The following MAP4 variants were observed in gnomAD, a reference collection of about 807,000 sequenced individuals.
The protein encoded by MAP4 is microtubule-associated protein 4.
MAP4 carries 76 observed loss-of-function variants against 170.2 expected under a neutral mutation model. The ratio of observed to expected loss-of-function variants is 0.45; its 90% CI spans 0.37 to 0.54. The LOEUF (loss-of-function observed/expected upper bound fraction) is 0.54. Ranked by LOEUF, MAP4 falls within the 20% of genes least tolerant of loss-of-function variation. The pLI is 0.00. For synonymous variants in MAP4, 909 were observed against 994.5 expected (o/e 0.91, Z 1.62); for missense variants, 2,506 against 2,748.0 (o/e 0.91, Z 1.97).
chr3:47,859,009 A>G (rs1369234330), intron 17 of MAP4, among the ~76,000 whole-genome samples: 4 of 152,158 alleles, frequency 2.6e-5, no homozygotes, highest in Admixed American at 6.5e-5. Flanking sequence ...AGGTGCCTGT[A>G]GTCCCAGTAC....
chr3:47,897,415 T>G (rs373992869), intron 10 of MAP4, among the ~76,000 whole-genome samples: 97 of 152,234 alleles, frequency 6.4e-4, no homozygotes, highest in African/African-American at 2.2e-3. Flanking sequence ...CTGTGGGCAT[T>G]GCGCTCGGCC....
In MAP4 at chr3:47,918,739, T is replaced by C. The variant is rs2100041108; in HGVS notation, c.632A>G (p.Glu211Gly). ...TTTACCTGCCGTTGGCTGAGGAGGTTCTGCAACAGCCTCTGGGGAAACAAA... is the reference window on the plus strand; with the variant it reads ...TTTACCTGCCGTTGGCTGAGGAGGTCCTGCAACAGCCTCTGGGGAAACAAA... ...ESFVSPEAVA[E>G]PPQPTAVPLE... Residue 211 changes from glutamate (E) to glycine (G), a missense_variant, in exon 6 of 21, where the codon GAA (glutamate) becomes GGA (glycine). Coordinates refer to ENST00000683076, the MANE Select transcript of MAP4 (RefSeq NM_001385682.1). 9.3e-6 allele frequency: 15 copies of C among 1,611,040 alleles called. No individual in the cohort carries two copies. The highest frequency in any genetic ancestry group is 1.3e-5 in the Non-Finnish European group (15 of 1,177,356).
chr3:47,927,074 G>A (rs947468489), intron 4 of MAP4, among the ~76,000 whole-genome samples: 5 of 150,418 alleles, frequency 3.3e-5, no homozygotes, highest in Non-Finnish European at 5.9e-5. Context: ...CAGGAGAATC[G>A]CTTGAACTCA....
intron 1 of MAP4, among the ~76,000 whole-genome samples, chr3:48,079,882 G>A (rs149966311): frequency 0.012 from 1,875 of 151,044 alleles, 43 homozygotes; most frequent in African/African-American, 0.043. Flanking sequence ...CCCGGGAGGC[G>A]GAGCTTGCAG....
chr3:47,923,428 A>T (rs1324237409), intron 4 of MAP4, among the ~76,000 whole-genome samples: 1 of 151,190 alleles, frequency 6.6e-6, no homozygotes, highest in African/African-American at 2.4e-5. Context: ...TCTTCAGAAA[A>T]CCATGGGAGC....
At chr3:47,987,400 G>GA in intron 2 of MAP4, 2 of 1,533,378 alleles carry the variant, frequency 1.3e-6, no homozygotes, top group Non-Finnish European at 1.7e-6. Context: ...AAGATGAAAA[G>GA]AAAGGCTGGC....
Position 47,912,061 on chromosome 3 carries a change from C to T in MAP4, c.2360G>A (p.Gly787Glu). Residue 787 changes from glycine to glutamate, a missense_variant, in exon 9 of 21, where the codon GGA (glycine) becomes GAA (glutamate). Gly to Glu is a moderately conservative substitution (Grantham distance 98). Around this residue, in one of 3 missense-constraint regions of MAP4, gnomAD observed 2,008 missense variants for 2,206.0 expected, o/e 0.91. Transcript: ENST00000683076. Reference sequence around the variant, plus strand: ...ATCTGCATTGTCATCATCCGAAGGTCCTCCAGCCCGTGGTTGAGAATATCT... The same window carrying T: ...ATCTGCATTGTCATCATCCGAAGGTTCTCCAGCCCGTGGTTGAGAATATCT... Reference protein sequence around the residue: ...QKRYSQPRAGGPSDDDNADKP... With the variant: ...QKRYSQPRAGEPSDDDNADKP... 6.5e-7 allele frequency: 1 copy of T among 1,536,168 alleles called. No homozygotes were observed. The highest frequency in any genetic ancestry group is 1.7e-4 in the Middle Eastern group (1 of 5,990).
chr3:47,988,260 T>C (rs1431503987), intron 2 of MAP4, among the ~76,000 whole-genome samples: 2 of 26,368 alleles, frequency 7.6e-5, no homozygotes, highest in Non-Finnish European at 3.0e-4. Flanking sequence ...AGACAGGATT[T>C]TTTTTTTAAT....
At chr3:47,962,189 C>G (rs1287431430) in intron 3 of MAP4, among the ~76,000 whole-genome samples, 5 of 152,248 alleles carry the variant, frequency 3.3e-5, no homozygotes. Flanking sequence ...TAGCAGCTCA[C>G]AGACACCGAT....
chr3:47,947,534 C>T (rs530438887), intron 3 of MAP4, among the ~76,000 whole-genome samples: 2 of 152,206 alleles, frequency 1.3e-5, no homozygotes, highest in Non-Finnish European at 2.9e-5. Context: ...AATCTCAAGC[C>T]GGGTGTGGTG....
chr3:48,063,602 C>A (rs1007493116), intron 1 of MAP4, among the ~76,000 whole-genome samples: 1 of 151,910 alleles, frequency 6.6e-6, no homozygotes, highest in Non-Finnish European at 1.5e-5. Context: ...ACTAGGATGC[C>A]TTTAATAGGT....
intron 1 of MAP4, among the ~76,000 whole-genome samples, chr3:48,001,986 G>A (rs2100099412): frequency 1.3e-5 from 2 of 151,986 alleles, no homozygotes; most frequent in Non-Finnish European, 2.9e-5. Context: ...ATGCGACTCT[G>A]TCATCATACT....
chr3:48,022,002 A>C (rs190848640), intron 1 of MAP4, among the ~76,000 whole-genome samples: 3 of 152,242 alleles, frequency 2.0e-5, no homozygotes, highest in Admixed American at 2.0e-4. Context: ...AACAAAACAA[A>C]ACAAGAGGCC....
chr3:48,041,085 T>C, intron 1 of MAP4, among the ~76,000 whole-genome samples: 1 of 152,282 alleles, frequency 6.6e-6, no homozygotes, highest in South Asian at 2.1e-4. Flanking sequence ...TAAAATAGCA[T>C]AAAAAAATAC....
chr3:48,044,513 C>G (rs1391366359), intron 1 of MAP4, among the ~76,000 whole-genome samples: 1 of 151,786 alleles, frequency 6.6e-6, no homozygotes, highest in African/African-American at 2.4e-5. Context: ...GCCTGTAATC[C>G]CAGCACTGGG....
At chr3:47,925,335 A>G (rs1254713507) in intron 4 of MAP4, among the ~76,000 whole-genome samples, 1 of 152,052 alleles carries the variant, frequency 6.6e-6, no homozygotes, top group Non-Finnish European at 1.5e-5. Context: ...TTCCTACTCA[A>G]AATTGGTCAT....
intron 11 of MAP4, 118 bp downstream of exon 11, chr3:47,877,296 TGAG>T: frequency 2.7e-6 from 2 of 731,272 alleles, no homozygotes; most frequent in Non-Finnish European, 4.7e-6. Flanking sequence ...TGTCCAAACA[TGAG>T]GAAGGACAAT....
chr3:47,995,033 G>T (rs376868301), intron 2 of MAP4, among the ~76,000 whole-genome samples: 17 of 152,164 alleles, frequency 1.1e-4, no homozygotes, highest in African/African-American at 4.1e-4. Flanking sequence ...GAACTGTCTG[G>T]CTAGGGTGTA....
At chr3:48,084,266 T>C (rs2100147992) in intron 1 of MAP4, among the ~76,000 whole-genome samples, 1 of 148,666 alleles carries the variant, frequency 6.7e-6, no homozygotes, top group African/African-American at 2.5e-5. Context: ...GGTGTGATGG[T>C]GCACATACAC....
Sources: gnomAD v4.1 joint callset for allele counts (sites outside exome capture counted in the v4.1 genomes callset) on GRCh38, gnomAD v4.1.1 for gene constraint, gnomAD v4.1.1 regional missense constraint, MANE v1.5 for transcripts, NCBI Gene and HGNC (gene_info 2026-07-23, HGNC 2026-07-21) for gene names.